The following ATM variants were observed in gnomAD, a reference collection of about 807,000 sequenced individuals.
ATM encodes serine-protein kinase ATM.
ATM carries 308 observed loss-of-function variants against 387.0 expected under a neutral mutation model. The ratio of observed to expected loss-of-function variants is 0.80; its 90% CI spans 0.73 to 0.87. The LOEUF (loss-of-function observed/expected upper bound fraction) is 0.87. Among genes scored for constraint, ATM ranks in the 40% least tolerant of loss-of-function variants. ATM has a pLI of 0.00. For synonymous variants in ATM, 1,156 were observed against 1,187.3 expected (o/e 0.97, Z 0.54); for missense variants, 3,312 against 3,560.9 (o/e 0.93, Z 1.78).
At position 108,267,214 on chromosome 11, in the gene ATM, C is replaced by T. The variant is rs2081303434; in HGVS notation, c.2510C>T (p.Ser837Leu). The T allele has an allele frequency of 6.2e-7, 1 of 1,613,964 alleles. No homozygotes were observed. The highest frequency in any genetic ancestry group is 1.1e-5 in the South Asian group (1 of 91,072). ...KKPFDRGEVE[S>L]MEDDTNGNLM... ...CCATTTGACCGTGGAGAAGTAGAATCAATGGAAGATGATACTAATGGAAAT... is the reference window on the plus strand; with the variant it reads ...CCATTTGACCGTGGAGAAGTAGAATTAATGGAAGATGATACTAATGGAAAT... Residue 837 changes from serine (S) to leucine (L), a missense_variant, in exon 17 of 63, where the codon TCA becomes TTA. By Grantham distance (145) the Ser-to-Leu change is moderately radical (BLOSUM62 -2). Coordinates refer to ENST00000675843, the MANE Select transcript of ATM (RefSeq NM_000051.4).
In ATM at chr11:108,329,159, T is replaced by C. The variant is rs193302874; in HGVS notation, c.7228T>C (p.Phe2410Leu). ...RIENYMKSSE[F>L]ENKQALLKRA... ...TGAAAACTACATGAAATCATCGGAA[T>C]TTGAAAACAAGCAAGCTCTCCTGAA... Residue 2410 changes from phenylalanine (F) to leucine (L), a missense_variant, in exon 49 of 63, where the codon TTT (phenylalanine) becomes CTT (leucine). Phe to Leu is a conservative substitution (Grantham distance 22, BLOSUM62 0). This residue lies in a region of ATM where 1,405 missense variants were observed against 1,604.4 expected (regional missense o/e 0.88). Coordinates refer to ENST00000675843, the MANE Select transcript of ATM (RefSeq NM_000051.4). 1 of 1,613,954 alleles carries C rather than the reference T, an allele frequency of 6.2e-7. No individual in the cohort carries two copies. The highest frequency in any genetic ancestry group is 8.5e-7 in the Non-Finnish European group (1 of 1,180,004).
intron 56 of ATM, among the ~76,000 whole-genome samples, chr11:108,339,761 T>TA (rs1334702556): frequency 1.3e-5 from 2 of 152,132 alleles, no homozygotes; most frequent in Non-Finnish European, 2.9e-5. Context: ...CAGAGCTAGA[T>TA]ATTGATAGAG....
intron 29 of ATM, chr11:108,290,006 T>G (rs1031818250): frequency 4.1e-5 from 21 of 516,580 alleles, no homozygotes; most frequent in Non-Finnish European, 3.5e-6. Context: ...TACAGGAGCA[T>G]ACCACCATGC....
chr11:108,286,438 C>A (rs185055081), intron 26 of ATM, among the ~76,000 whole-genome samples: 110 of 152,084 alleles, frequency 7.2e-4, no homozygotes, highest in Non-Finnish European at 1.2e-3. Context: ...GGGAGTGGGC[C>A]CTGAGCAAGT....
intron 17 of ATM, among the ~76,000 whole-genome samples, chr11:108,268,076 G>T (rs2081361414): frequency 6.6e-6 from 1 of 151,930 alleles, no homozygotes; most frequent in South Asian, 2.1e-4. Context: ...ACTTTTTAAT[G>T]GCTTCACCAT....
intron 24 of ATM, among the ~76,000 whole-genome samples, chr11:108,282,128 ATTTTT>A (rs749115733): frequency 1.0e-4 from 14 of 138,678 alleles, no homozygotes; most frequent in African/African-American, 3.7e-4. Context: ...CACCTGGCTA[ATTTTT>A]TTTTTTTTTT....
rs748840480 is a variant in ATM, at chr11:108,245,027, G to A, written c.901+1G>A. 3.1e-6 allele frequency: 5 copies of A among 1,597,122 alleles called. No homozygotes were observed. The Admixed American group carries it at 6.7e-5, about 21-fold the overall frequency. On this transcript the variant is annotated splice_donor_variant, in intron 7 of 62. Coordinates refer to ENST00000675843, the MANE Select transcript of ATM (RefSeq NM_000051.4). LOFTEE classifies it high-confidence loss of function. ...AAAGGAGCCAAAACCCAAGAAAAAG[G>A]TATAAAGGAAATGTTTACTGTTTTG...
At chr11:108,237,466 T>C (rs2079333647) in intron 5 of ATM, among the ~76,000 whole-genome samples, 1 of 151,812 alleles carries the variant, frequency 6.6e-6, no homozygotes, top group Non-Finnish European at 1.5e-5. Flanking sequence ...CTACTCTTAC[T>C]TCTTTTTTTT....
At chr11:108,231,656 A>T (rs1296549063) in intron 4 of ATM, 1 of 135,284 alleles carries the variant, frequency 7.4e-6, no homozygotes, top group Non-Finnish European at 1.5e-5. Context: ...AGATTGTGCC[A>T]TTGCACTCCA....
intron 56 of ATM, chr11:108,336,282 C>G (rs951085015): frequency 1.1e-5 from 3 of 261,004 alleles, no homozygotes; most frequent in African/African-American, 2.3e-5. Context: ...CCAGTCCAGC[C>G]TGAGCAACAC....
chr11:108,230,595 G>A (rs2078962819), intron 4 of ATM: 1 of 152,122 alleles, frequency 6.6e-6, no homozygotes, highest in Admixed American at 6.6e-5. Flanking sequence ...ACGTGACCTA[G>A]GTTTTATGCT....
Position 108,358,045 on chromosome 11 carries a change from G to C in ATM, c.8850+3171G>C, listed in dbSNP as rs181213654. Among the ~76,000 whole-genome samples the C allele has an allele frequency of 5.1e-3, 728 of 143,882 alleles. 5 individuals are homozygous for C. The highest frequency in any genetic ancestry group is 0.017 in the African/African-American group (665 of 39,068). 94.4% of individuals were successfully genotyped at this position (143,882 alleles called of 152,430 possible). A position where few individuals can be genotyped will look rare whatever the true frequency, so the allele number is the denominator to read the frequency against. ...CAAAGGCAAATAAGTTGACAACTTT[G>C]AAAAAAATTTAGAAGAATGTATAAC... On this transcript the variant is annotated intron_variant, in intron 61 of 62. Transcript: ENST00000675843.
At chr11:108,354,918 G>T in intron 61 of ATM, 44 bp downstream of exon 61, 1 of 1,496,382 alleles carries the variant, frequency 6.7e-7, no homozygotes, top group Non-Finnish European at 9.3e-7. Flanking sequence ...TTCTTACCAG[G>T]TAGACTGTGT....
At chr11:108,242,604 C>G (rs228588) in intron 5 of ATM, among the ~76,000 whole-genome samples, 92,873 of 151,898 alleles carry the variant, frequency 0.61, 28,635 homozygotes, top group Middle Eastern at 0.78. Flanking sequence ...TTACACCTGT[C>G]ATCTCAGCAC....
Position 108,282,894 on chromosome 11 carries a change from G to T in ATM, c.3746+15G>T. On this transcript the variant is annotated intron_variant, in intron 25 of 62. Transcript: ENST00000675843. ...GATTTCTATAGGTAAGTTTATACAT[G>T]ACATATGTGAAATTTGTTTAATTTA... is the stretch of plus-strand genomic sequence containing the variant. 1.4e-6 allele frequency: 2 copies of T among 1,438,754 alleles called. No homozygotes were observed. Among genetic ancestry groups the T allele is most frequent in the South Asian group, 1.2e-5 (1 of 84,960 alleles). The allele number at this position is 1,438,754 out of a possible 1,614,324, so 89.1% of individuals were successfully genotyped here. A position where few individuals can be genotyped will look rare whatever the true frequency, so the allele number is the denominator to read the frequency against.
At chr11:108,284,762 G>C (rs4987995) in intron 26 of ATM, among the ~76,000 whole-genome samples, 1 of 151,984 alleles carries the variant, frequency 6.6e-6, no homozygotes, top group Non-Finnish European at 1.5e-5. Flanking sequence ...TGTAATACAC[G>C]AATGCAAACT....
At chr11:108,297,443 A>G in intron 33 of ATM, 61 bp downstream of exon 33, 1 of 1,292,896 alleles carries the variant, frequency 7.7e-7, no homozygotes, top group Non-Finnish European at 1.1e-6. Context: ...TATAGGACAG[A>G]TTATAATACT....
At chr11:108,231,237 T>C (rs2078998092) in intron 4 of ATM, among the ~76,000 whole-genome samples, 1 of 152,292 alleles carries the variant, frequency 6.6e-6, no homozygotes, top group East Asian at 1.9e-4. Context: ...ACAATTAATA[T>C]TGTGAAGAGT....
rs117658032 is a variant in ATM at position 108,295,266 on chromosome 11, A to G, written c.4909+207A>G. 5.2e-4 allele frequency: 312 copies of G among 601,832 alleles called. 1 individual carries two copies. The East Asian group carries it at 9.8e-3, about 19-fold the overall frequency. The allele number at this position is 601,832 out of a possible 1,614,324, so 37.3% of individuals were successfully genotyped here. ...TCCTGTTTTATTCATCCTCTGCCAG[A>G]TGATTTCTCTAAACCCAAATATGAT... On this transcript the variant is annotated intron_variant, in intron 32 of 62. Coordinates refer to ENST00000675843, the MANE Select transcript of ATM (RefSeq NM_000051.4).
Sources: allele counts gnomAD v4.1 joint callset (sites outside exome capture counted in the v4.1 genomes callset), GRCh38; gene constraint gnomAD v4.1.1; regional missense constraint gnomAD v4.1.1; transcripts MANE v1.5; gene names NCBI Gene and HGNC (gene_info 2026-07-23, HGNC 2026-07-21).